TAF7L: variants seen among roughly 807,000 people sequenced by gnomAD.
The protein encoded by TAF7L is TATA-box binding protein associated factor 7 like, also known as transcription initiation factor TFIID subunit 7-like.
TAF7L carries 6 observed loss-of-function variants against 30.2 expected under a neutral mutation model. That is an observed-to-expected ratio of 0.20 (90% confidence interval 0.11 to 0.39). The LOEUF (loss-of-function observed/expected upper bound fraction) is 0.39. Among genes scored for constraint, TAF7L ranks in the 10% least tolerant of loss-of-function variants. The pLI is 1.00. For missense variants in TAF7L, 284 were observed against 277.1 expected, an observed-to-expected ratio of 1.03 and a Z score of -0.18; for synonymous variants, 93 against 94.5, an observed-to-expected ratio of 0.98 and a Z score of 0.09.
chrX:101,285,559 T>A (rs1373840171), intron 3 of TAF7L, among the ~76,000 whole-genome samples: 1 of 103,051 alleles, frequency 9.7e-6, no homozygotes, highest in Admixed American at 1.1e-4. Context: ...GGGTACAAAG[T>A]TTCCCTTTTC....
chrX:101,275,918 C>G (rs1206336448), intron 11 of TAF7L, 82 bp downstream of exon 11: 10 of 687,931 alleles, frequency 1.5e-5, no homozygotes, highest in Non-Finnish European at 2.2e-5. Context: ...GAACCCTGCA[C>G]AGAGATAACA....
intron 12 of TAF7L, among the ~76,000 whole-genome samples, chrX:101,274,455 C>T (rs371665991): frequency 4.5e-5 from 5 of 111,329 alleles, no homozygotes; most frequent in South Asian, 3.8e-4. Flanking sequence ...AATCCTCTCG[C>T]GTCGGCCTCC....
chrX:101,282,862 C>T (rs1403763367), intron 4 of TAF7L, among the ~76,000 whole-genome samples: 2 of 110,988 alleles, frequency 1.8e-5, no homozygotes, highest in African/African-American at 3.3e-5. Context: ...ACCTCCTGGG[C>T]TCAAGTGATC....
At chrX:101,275,518 C>T (rs1428501402) in intron 11 of TAF7L, among the ~76,000 whole-genome samples, 6 of 110,237 alleles carry the variant, frequency 5.4e-5, no homozygotes, top group Admixed American at 9.6e-5. Flanking sequence ...CAGGAGCATG[C>T]CACCAGGCCT....
intron 1 of TAF7L, among the ~76,000 whole-genome samples, chrX:101,288,211 G>A (rs1924675150): frequency 9.3e-6 from 1 of 107,321 alleles, no homozygotes; most frequent in African/African-American, 3.4e-5. Flanking sequence ...GTGCGATCTC[G>A]GCTCACTGCA....
At position 101,276,429 on chromosome X, in the gene TAF7L, TCCTC is replaced by T. The variant is rs779641876; in HGVS notation, c.787_790del (p.Glu263MetfsTer41). 1 of 819,886 alleles carries T rather than the reference TCCTC, an allele frequency of 1.2e-6. No individual in the cohort carries two copies. 67.6% of individuals were successfully genotyped at this position (819,886 alleles called of 1,213,427 possible). A position where few individuals can be genotyped will look rare whatever the true frequency, so the allele number is the denominator to read the frequency against. On this transcript the variant is annotated frameshift_variant, in exon 10 of 13. Coordinates refer to ENST00000356784, the MANE Select transcript of TAF7L (RefSeq NM_001168474.2). LOFTEE classifies it high-confidence loss of function. The stretch of plus-strand genomic sequence containing the variant: ...CTCCTCTTCTTTGTCTTCATCTTCA[TCCTC>T]ATCCTCATCCTCATCCTCATCTTCA...
Position 101,277,641 on chromosome X carries a change from C to T in TAF7L, c.656G>A (p.Gly219Glu), listed in dbSNP as rs1924256759. 2 of 1,199,661 alleles carry T rather than the reference C, an allele frequency of 1.7e-6. No individual in the cohort carries two copies. The highest frequency in any genetic ancestry group is 2.2e-6 in the Non-Finnish European group (2 of 891,978). ...ATGACCCTGCTTGTGGCTGCTCATTCCCGAGGATATCAAAAATCCTGGGAT... is the reference window on the plus strand; with the variant it reads ...ATGACCCTGCTTGTGGCTGCTCATTTCCGAGGATATCAAAAATCCTGGGAT... ...GSIPGFLISS[G>E]MSSHKQGHTS... Residue 219 changes from glycine (G) to glutamate (E), a missense_variant, in exon 9 of 13, where the codon GGA (glycine) becomes GAA (glutamate). Transcript: ENST00000356784.
At position 101,279,538 on chromosome X, in the gene TAF7L, T is replaced by C. The variant is rs1002153012; in HGVS notation, c.463-503A>G. ...TGGGAGGCTGAGGCATGAGAGTCGC[T>C]TGAACCCGGGAGGCAGAGACTGCAG... On this transcript the variant is annotated intron_variant, in intron 6 of 12. Transcript: ENST00000356784. Among the ~76,000 whole-genome samples the C allele has an allele frequency of 9.9e-5, 11 of 111,238 alleles. No individual in the cohort carries two copies. In the Admixed American group the frequency reaches 1.1e-3, roughly 11 times the overall value.
Position 101,287,571 on chromosome X carries a change from A to G in TAF7L, c.-2-26T>C, listed in dbSNP as rs761820417. ...CTTGATTTTGAGTTCATGAAAGCAA[A>G]AAGAAAACCATCACTAAAAACTCCT... On this transcript the variant is annotated intron_variant, in intron 1 of 12. Coordinates refer to ENST00000356784, the MANE Select transcript of TAF7L (RefSeq NM_001168474.2). 5.2e-6 allele frequency: 6 copies of G among 1,162,731 alleles called. No individual in the cohort carries two copies. The African/African-American group carries it at 1.1e-4, about 21-fold the overall frequency.
chrX:101,284,044 T>C (rs1195248796), intron 3 of TAF7L, among the ~76,000 whole-genome samples: 2 of 111,267 alleles, frequency 1.8e-5, no homozygotes, highest in Admixed American at 1.9e-4. Flanking sequence ...TTCATAAAGA[T>C]AAAATTCTAT....
Position 101,286,214 on chromosome X carries a change from AAG to A in TAF7L, c.145+359_145+360del, listed in dbSNP as rs543115112. Among the ~76,000 whole-genome samples the A allele has an allele frequency of 4.0e-4, 44 of 110,763 alleles. No individual in the cohort carries two copies. The South Asian group carries it at 0.014, about 35-fold the overall frequency. On this transcript the variant is annotated intron_variant, in intron 3 of 12. Transcript: ENST00000356784. ...AAAAAAAGAAAGAAAGAAAGAAAGAAAGAAAGAAATACATGTCACCTTTATAA... is the reference window on the plus strand; with the variant it reads ...AAAAAAAGAAAGAAAGAAAGAAAGAAAAAGAAATACATGTCACCTTTATAA...
intron 8 of TAF7L, 47 bp from the exon 9 acceptor site, chrX:101,277,766 G>A (rs373902079): frequency 1.1e-6 from 1 of 947,971 alleles, no homozygotes; most frequent in Non-Finnish European, 1.5e-6. Flanking sequence ...AAACAAAAAG[G>A]CACAGCTGAA....
At chrX:101,279,607 C>T (rs1020801577) in intron 6 of TAF7L, among the ~76,000 whole-genome samples, 7 of 107,217 alleles carry the variant, frequency 6.5e-5, no homozygotes, top group East Asian at 5.9e-4. Flanking sequence ...GGCAACAGAG[C>T]GAGACTCCAT....
intron 12 of TAF7L, among the ~76,000 whole-genome samples, chrX:101,271,919 T>A (rs772350904): frequency 8.9e-6 from 1 of 111,744 alleles, no homozygotes; most frequent in Non-Finnish European, 1.9e-5. Flanking sequence ...TCTGATTGTT[T>A]TAAAGCAGTA....
chrX:101,289,243 G>A (rs1924716354), intron 1 of TAF7L, among the ~76,000 whole-genome samples: 1 of 111,599 alleles, frequency 9.0e-6, no homozygotes, highest in African/African-American at 3.3e-5. Flanking sequence ...TCTTTTTAAA[G>A]GCTGAATAGT....
At chrX:101,279,628 AAAT>A (rs1924333731) in intron 6 of TAF7L, among the ~76,000 whole-genome samples, 4 of 77,619 alleles carry the variant, frequency 5.2e-5, no homozygotes, top group Admixed American at 4.0e-4. Context: ...CTCAAAAAAT[AAAT>A]AAATAAATAA....
intron 8 of TAF7L, 26 bp downstream of exon 8, chrX:101,278,023 G>A (rs1290016495): frequency 1.7e-6 from 2 of 1,184,210 alleles, no homozygotes; most frequent in South Asian, 1.8e-5. Context: ...AACAGACTAT[G>A]CAGAAAATAT....
intron 1 of TAF7L, among the ~76,000 whole-genome samples, chrX:101,289,360 A>T (rs963461152): frequency 7.2e-5 from 8 of 111,842 alleles, no homozygotes; most frequent in Non-Finnish European, 1.3e-4. Flanking sequence ...GTGTGTGCGG[A>T]TATTTCTTTG....
chrX:101,269,182 A>G lies in TAF7L; in HGVS notation c.*11T>C. On this transcript the variant is annotated 3_prime_UTR_variant, in exon 13 of 13. Transcript: ENST00000356784. ...GAATCCAAGGTTTGTGGGCCACGCC[A>G]ATGGCTCTCCTCACTTCTTCAGAAA... The G allele has an allele frequency of 8.3e-7, 1 of 1,207,275 alleles. No individual in the cohort carries two copies. The highest frequency in any genetic ancestry group is 1.8e-5 in the South Asian group (1 of 56,083).
Sources: allele counts gnomAD v4.1 joint callset (sites outside exome capture counted in the v4.1 genomes callset), GRCh38; gene constraint gnomAD v4.1.1; transcripts MANE v1.5; gene names NCBI Gene and HGNC (gene_info 2026-07-23, HGNC 2026-07-21).